The following TRIM9 variants were observed in gnomAD, a reference collection of about 807,000 sequenced individuals.
TRIM9 encodes E3 ubiquitin-protein ligase TRIM9.
A neutral mutation model predicts 78.3 loss-of-function variants in TRIM9; 26 were observed. The ratio of observed to expected loss-of-function variants is 0.33; its 90% confidence interval spans 0.24 to 0.46. The LOEUF (loss-of-function observed/expected upper bound fraction) is 0.46. TRIM9 is among the 20% of genes least tolerant of loss of function. TRIM9 has a pLI of 1.00. For missense variants in TRIM9, 787 were observed against 1,036.4 expected (o/e 0.76, Z 3.30); for synonymous variants, 398 against 416.5 (o/e 0.96, Z 0.54).
chr14:51,031,352 T>A (rs1234962719), intron 1 of TRIM9, among the ~76,000 whole-genome samples: 1 of 152,208 alleles, frequency 6.6e-6, no homozygotes, highest in East Asian at 1.9e-4. Context: ...GGTACCTGTC[T>A]GAGAAAATTC....
rs185041757 is a variant in TRIM9 at position 51,040,536 on chromosome 14, A to G, written c.823-15176T>C. Among the ~76,000 whole-genome samples the G allele has an allele frequency of 1.3e-3, 192 of 152,288 alleles. 3 individuals carry two copies. The highest frequency in any genetic ancestry group is 4.7e-4 in the Non-Finnish European group (32 of 68,024). ...GGATCAGGAGTGACTGGAGCCCTGG[A>G]GTGAGGGATTGGACAACATGTATCC... On this transcript the variant is annotated intron_variant, in intron 1 of 12. Coordinates refer to ENST00000684578, the MANE Select transcript of TRIM9 (RefSeq NM_001387360.1).
intron 3 of TRIM9, among the ~76,000 whole-genome samples, chr14:51,021,398 G>T (rs1176466097): frequency 6.6e-6 from 1 of 152,178 alleles, no homozygotes; most frequent in Non-Finnish European, 1.5e-5. Flanking sequence ...CGTTTTAACT[G>T]CAAGTAATTT....
intron 1 of TRIM9, 86 bp downstream of exon 1, chr14:51,094,032 C>G (rs192804366): frequency 1.4e-6 from 2 of 1,389,518 alleles, no homozygotes; most frequent in Admixed American, 3.6e-5. Flanking sequence ...CTGGGATGCG[C>G]TGTGCGCAAG....
intron 1 of TRIM9, among the ~76,000 whole-genome samples, chr14:51,067,500 C>T (rs973554687): frequency 1.3e-5 from 2 of 152,166 alleles, no homozygotes; most frequent in African/African-American, 4.8e-5. Context: ...AACATTCAAA[C>T]CCTTTGCCAG....
intron 1 of TRIM9, among the ~76,000 whole-genome samples, chr14:51,038,000 A>C (rs2059296488): frequency 6.6e-6 from 1 of 152,208 alleles, no homozygotes; most frequent in Non-Finnish European, 1.5e-5. Flanking sequence ...CCTGCATGTG[A>C]ATTCTGCTTC....
intron 1 of TRIM9, among the ~76,000 whole-genome samples, chr14:51,083,338 A>C (rs2063475348): frequency 6.6e-6 from 1 of 152,116 alleles, no homozygotes; most frequent in Non-Finnish European, 1.5e-5. Context: ...TGTAATCTCG[A>C]ACTCCTGGGC....
intron 1 of TRIM9, among the ~76,000 whole-genome samples, chr14:51,037,310 A>T (rs1037523052): frequency 1.3e-5 from 2 of 152,204 alleles, no homozygotes; most frequent in African/African-American, 4.8e-5. Context: ...TAGCTAGGAA[A>T]CCCAAGTGCA....
At position 51,005,818 on chromosome 14, in the gene TRIM9, AG is replaced by A. The variant is rs2055713791; in HGVS notation, c.1306+3261del. Among the ~76,000 whole-genome samples, 12 of 152,314 alleles carry A rather than the reference AG, an allele frequency of 7.9e-5. No homozygotes were observed. The South Asian group carries it at 2.5e-3, about 32-fold the overall frequency. On this transcript the variant is annotated intron_variant, in intron 5 of 12. Coordinates refer to ENST00000684578, the MANE Select transcript of TRIM9 (RefSeq NM_001387360.1). ...ACCAGAAAACGTGCCATTACAATTTAGGGATATTTGAAAAAAGGTACCAGCC... is the reference window on the plus strand; with the variant it reads ...ACCAGAAAACGTGCCATTACAATTTAGGATATTTGAAAAAAGGTACCAGCC...
intron 1 of TRIM9, among the ~76,000 whole-genome samples, chr14:51,049,000 G>A (rs938326411): frequency 6.6e-6 from 1 of 150,840 alleles, no homozygotes; most frequent in African/African-American, 2.4e-5. Context: ...AAAAAAAAAG[G>A]AAACATCCCA....
At chr14:50,989,457 A>G (rs1010562409) in intron 7 of TRIM9, among the ~76,000 whole-genome samples, 3 of 152,308 alleles carry the variant, frequency 2.0e-5, no homozygotes, top group South Asian at 2.1e-4. Context: ...AAGAGGAATG[A>G]GGTTGTCATT....
chr14:50,979,537 C>T lies in TRIM9; in HGVS notation c.2175G>A (p.Gly725=), dbSNP rs765368382. The change falls in exon 12 of 13, where the codon GGG becomes GGA. Residue 725 remains glycine (G), a synonymous_variant. Coordinates refer to ENST00000684578, the MANE Select transcript of TRIM9 (RefSeq NM_001387360.1). ...CCCCAATTGTGGCCCCTTTTGTGAT[C>T]CCTCCCTCAGTTCTGTAGGAAAAGA... ...NNSHTNRTEG[G]ITKGATIGVL... is the part of the protein sequence containing the mutation. 31 of 1,613,750 alleles carry T rather than the reference C, an allele frequency of 1.9e-5. No homozygotes were observed. Among genetic ancestry groups the T allele is most frequent in the Non-Finnish European group, 2.5e-5 (29 of 1,179,928 alleles).
At chr14:51,078,793 C>T (rs2063042395) in intron 1 of TRIM9, among the ~76,000 whole-genome samples, 2 of 151,984 alleles carry the variant, frequency 1.3e-5, no homozygotes, top group African/African-American at 2.4e-5. Flanking sequence ...GGAGGAGATA[C>T]GTAGGATAAA....
chr14:51,091,507 G>A (rs113841501), intron 1 of TRIM9, among the ~76,000 whole-genome samples: 1,578 of 152,230 alleles, frequency 0.01, 13 homozygotes, highest in South Asian at 0.049. Flanking sequence ...CTGGCCCATG[G>A]GCTTTTGTGG....
At chr14:51,036,754 T>TA (rs1566602495) in intron 1 of TRIM9, among the ~76,000 whole-genome samples, 2 of 152,186 alleles carry the variant, frequency 1.3e-5, no homozygotes, top group Non-Finnish European at 2.9e-5. Context: ...TGACTGTATA[T>TA]CCTCTCTCTC....
intron 1 of TRIM9, among the ~76,000 whole-genome samples, chr14:51,086,273 C>T (rs72687175): frequency 0.35 from 53,597 of 151,914 alleles, 9,795 homozygotes; most frequent in Admixed American, 0.42. Flanking sequence ...CCAATTACAA[C>T]GGGTGTGACT....
intron 1 of TRIM9, among the ~76,000 whole-genome samples, chr14:51,072,093 C>T (rs1469709705): frequency 2.0e-5 from 3 of 152,160 alleles, no homozygotes; most frequent in African/African-American, 7.2e-5. Context: ...AAAAGGCACA[C>T]GTGGCAGGAC....
intron 1 of TRIM9, among the ~76,000 whole-genome samples, chr14:51,033,449 A>G (rs1321953363): frequency 6.6e-6 from 1 of 152,194 alleles, no homozygotes; most frequent in African/African-American, 2.4e-5. Flanking sequence ...TCACGAAAAC[A>G]CTTTTGTCAT....
At chr14:51,046,702 T>C (rs879798972) in intron 1 of TRIM9, among the ~76,000 whole-genome samples, 4 of 152,164 alleles carry the variant, frequency 2.6e-5, no homozygotes, top group Admixed American at 6.5e-5. Flanking sequence ...GGAACCAGAC[T>C]CCTGAAACTA....
intron 3 of TRIM9, among the ~76,000 whole-genome samples, chr14:51,013,144 T>A (rs1447895813): frequency 1.3e-5 from 2 of 152,216 alleles, no homozygotes; most frequent in African/African-American, 2.4e-5. Flanking sequence ...CCCAGGAGTT[T>A]ATAGTTTTAG....
Sources: allele counts gnomAD v4.1 joint callset (sites outside exome capture counted in the v4.1 genomes callset), GRCh38; gene constraint gnomAD v4.1.1; transcripts MANE v1.5; gene names NCBI Gene and HGNC (gene_info 2026-07-23, HGNC 2026-07-21).